Variants in CRYBG1 observed in about 807,000 individuals in gnomAD.
CRYBG1 encodes the protein crystallin beta-gamma domain containing 1.
CRYBG1 carries 139 observed loss-of-function variants against 189.2 expected under a neutral mutation model. That is an observed-to-expected ratio of 0.73 (90% CI 0.64 to 0.85). The LOEUF (loss-of-function observed/expected upper bound fraction) is 0.85, where lower values mean the gene tolerates loss of function less well. Among genes scored for constraint, CRYBG1 ranks in the 40% least tolerant of loss-of-function variants. The probability of loss-of-function intolerance (pLI) is 0.00; values close to 1 mark genes in which losing one functional copy is unlikely to be tolerated. For missense variants in CRYBG1, 2,611 were observed against 2,675.8 expected, an observed-to-expected ratio of 0.98 and a Z score of 0.53; for synonymous variants, 1,023 against 1,017.1, an observed-to-expected ratio of 1.01 and a Z score of -0.11.
intron 1 of CRYBG1, among the ~76,000 whole-genome samples, chr6:106,427,105 G>T (rs1771241581): frequency 6.6e-6 from 1 of 151,972 alleles, no homozygotes; most frequent in African/African-American, 2.4e-5. Context: ...AGGGCCTCAG[G>T]GCTCAGTTCT....
intron 13 of CRYBG1, among the ~76,000 whole-genome samples, chr6:106,545,155 G>A (rs1201396175): frequency 6.6e-6 from 1 of 152,136 alleles, no homozygotes; most frequent in Non-Finnish European, 1.5e-5. Context: ...TAGGCTTTGG[G>A]TATCATGATA....
chr6:106,370,195 A>G (rs907205675), intron 1 of CRYBG1, among the ~76,000 whole-genome samples: 2 of 152,250 alleles, frequency 1.3e-5, no homozygotes, highest in Non-Finnish European at 2.9e-5. Flanking sequence ...CAGAAATTCA[A>G]AAGTATATAT....
intron 1 of CRYBG1, among the ~76,000 whole-genome samples, chr6:106,448,990 G>A (rs1771724155): frequency 6.6e-6 from 1 of 152,156 alleles, no homozygotes; most frequent in South Asian, 2.1e-4. Context: ...GAATACACTA[G>A]TTAAACCAAC....
intron 18 of CRYBG1, among the ~76,000 whole-genome samples, chr6:106,559,042 G>C (rs374183420): frequency 6.6e-6 from 1 of 151,624 alleles, no homozygotes; most frequent in South Asian, 2.1e-4. Context: ...CTCTCTTTTT[G>C]TAAGGGTTAA....
chr6:106,498,814 C>T (rs1229086019), intron 2 of CRYBG1, among the ~76,000 whole-genome samples: 1 of 151,858 alleles, frequency 6.6e-6, no homozygotes, highest in African/African-American at 2.4e-5. Flanking sequence ...GCAGAGGTTG[C>T]AGTGAGCCAA....
At chr6:106,560,013 G>A (rs1774664266) in intron 18 of CRYBG1, among the ~76,000 whole-genome samples, 1 of 152,048 alleles carries the variant, frequency 6.6e-6, no homozygotes, top group Non-Finnish European at 1.5e-5. Context: ...GAGATCACTT[G>A]AGTCTGGGAG....
intron 1 of CRYBG1, among the ~76,000 whole-genome samples, chr6:106,436,044 T>C (rs1744488314): frequency 6.6e-6 from 1 of 152,202 alleles, no homozygotes; most frequent in Non-Finnish European, 1.5e-5. Flanking sequence ...GTCTGTTCCA[T>C]CATCGGAGTT....
chr6:106,450,122 G>A (rs1375219433), intron 1 of CRYBG1, among the ~76,000 whole-genome samples: 1 of 151,604 alleles, frequency 6.6e-6, no homozygotes, highest in Non-Finnish European at 1.5e-5. Context: ...AGCTGCTGAG[G>A]CAGGAGCATC....
chr6:106,405,409 A>G (rs1206048219), intron 1 of CRYBG1, among the ~76,000 whole-genome samples: 13 of 152,160 alleles, frequency 8.5e-5, no homozygotes, highest in Non-Finnish European at 1.5e-5. Context: ...TAAAACTCCC[A>G]TCTCCCTGGG....
intron 1 of CRYBG1, among the ~76,000 whole-genome samples, chr6:106,418,958 C>G (rs1225842385): frequency 6.6e-6 from 1 of 152,186 alleles, no homozygotes; most frequent in African/African-American, 2.4e-5. Flanking sequence ...ATTGGCTGGA[C>G]CAGGCATGAT....
At chr6:106,554,564 A>T (rs1676017) in intron 16 of CRYBG1, among the ~76,000 whole-genome samples, 8,595 of 152,058 alleles carry the variant, frequency 0.057, 786 homozygotes, top group African/African-American at 0.19. Flanking sequence ...GTAAGTTGAG[A>T]TCATAGCACT....
intron 1 of CRYBG1, among the ~76,000 whole-genome samples, chr6:106,375,385 T>TTGAG (rs1554230445): frequency 2.2e-4 from 32 of 145,092 alleles, no homozygotes; most frequent in African/African-American, 7.9e-4. Flanking sequence ...GGCCCTGTCT[T>TTGAG]TAAGTAAGTA....
chr6:106,470,238 C>T (rs1772203448), intron 2 of CRYBG1, among the ~76,000 whole-genome samples: 1 of 151,992 alleles, frequency 6.6e-6, no homozygotes, highest in Non-Finnish European at 1.5e-5. Flanking sequence ...GAGGGAAGAT[C>T]CCTTGAACCC....
chr6:106,510,058 C>T (rs1278841188), intron 2 of CRYBG1, among the ~76,000 whole-genome samples: 1 of 152,166 alleles, frequency 6.6e-6, no homozygotes, highest in Non-Finnish European at 1.5e-5. Flanking sequence ...GATTGGGGAA[C>T]CTCCCCGTAG....
intron 2 of CRYBG1, among the ~76,000 whole-genome samples, chr6:106,504,670 T>C (rs866203835): frequency 8.0e-6 from 1 of 125,144 alleles, no homozygotes; most frequent in African/African-American, 2.9e-5. Flanking sequence ...TGTATATGTG[T>C]GTGTGTGTAT....
intron 2 of CRYBG1, among the ~76,000 whole-genome samples, chr6:106,461,123 C>G (rs1352466668): frequency 6.6e-6 from 1 of 152,030 alleles, no homozygotes; most frequent in Non-Finnish European, 1.5e-5. Context: ...TTGCTCTTAA[C>G]ATGAAAAAAT....
chr6:106,373,259 T>C (rs1360627889), intron 1 of CRYBG1, among the ~76,000 whole-genome samples: 1 of 152,214 alleles, frequency 6.6e-6, no homozygotes, highest in Non-Finnish European at 1.5e-5. Context: ...CTAAGAAGAA[T>C]CTGTGACTCA....
At chr6:106,468,778 A>AT (rs1772164427) in intron 2 of CRYBG1, among the ~76,000 whole-genome samples, 1 of 152,224 alleles carries the variant, frequency 6.6e-6, no homozygotes, top group Non-Finnish European at 1.5e-5. Context: ...ACAAAAAATC[A>AT]TTTGTCATTA....
At chr6:106,482,892 TG>T (rs1772500419) in intron 2 of CRYBG1, among the ~76,000 whole-genome samples, 1 of 152,214 alleles carries the variant, frequency 6.6e-6, no homozygotes, top group Non-Finnish European at 1.5e-5. Flanking sequence ...TACATATTTA[TG>T]GGGTATAATT....
Sources: gnomAD v4.1 joint callset for allele counts (sites outside exome capture counted in the v4.1 genomes callset) on GRCh38, gnomAD v4.1.1 for gene constraint, MANE v1.5 for transcripts, NCBI Gene and HGNC (gene_info 2026-07-23, HGNC 2026-07-21) for gene names.